Variants in CNDP1 observed in about 807,000 individuals in gnomAD.
CNDP1 encodes the protein carnosine dipeptidase 1.
Under a neutral mutation model 58.1 loss-of-function variants are expected in CNDP1, and 44 were observed. The ratio of observed to expected loss-of-function variants is 0.76; its 90% CI spans 0.60 to 0.97. CNDP1 has a LOEUF of 0.97. Among genes scored for constraint, CNDP1 ranks in the 50% least tolerant of loss-of-function variants. The probability of loss-of-function intolerance (pLI) is 0.00; values close to 1 mark genes in which losing one functional copy is unlikely to be tolerated. For synonymous variants in CNDP1, 254 were observed against 252.6 expected (o/e 1.01, Z -0.05); for missense variants, 616 against 655.1 (o/e 0.94, Z 0.65).
At chr18:74,583,920 G>A (rs1981850427) in intron 11 of CNDP1, 3 of 549,380 alleles carry the variant, frequency 5.5e-6, no homozygotes, top group Non-Finnish European at 9.7e-6. Context: ...GGTATGGGCT[G>A]TCTTCCTGGC....
At position 74,545,498 on chromosome 18, in the gene CNDP1, C is replaced by T. The variant is rs1980735718; in HGVS notation, c.24+10807C>T. ...TAGAAAAGAAACGTGTTATTTGGTG[C>T]TGTCTGCATTTTGGTGTCTCCACCT... On this transcript the variant is annotated intron_variant, in intron 1 of 11. Coordinates refer to ENST00000358821, the MANE Select transcript of CNDP1 (RefSeq NM_032649.6). The surrounding 1 kb of genome is among the most constrained non-coding windows in gnomAD (Gnocchi z 4.1). Among the ~76,000 whole-genome samples, 1 of 152,200 alleles carries T rather than the reference C, an allele frequency of 6.6e-6. No individual in the cohort carries two copies. The highest frequency in any genetic ancestry group is 1.5e-5 in the Non-Finnish European group (1 of 68,048).
chr18:74,564,951 A>G (rs1383529749), intron 5 of CNDP1, among the ~76,000 whole-genome samples: 2 of 152,252 alleles, frequency 1.3e-5, no homozygotes, highest in African/African-American at 4.8e-5. Context: ...CATGCTGCTG[A>G]TAAAGGCATA....
intron 5 of CNDP1, among the ~76,000 whole-genome samples, chr18:74,566,734 G>A (rs1270403625): frequency 6.6e-6 from 1 of 152,180 alleles, no homozygotes; most frequent in Admixed American, 6.5e-5. Flanking sequence ...ACATTTTTGT[G>A]TCTTCTTCTG....
chr18:74,543,963 T>G (rs1568291144), intron 1 of CNDP1, among the ~76,000 whole-genome samples: 1 of 151,912 alleles, frequency 6.6e-6, no homozygotes, highest in African/African-American at 2.4e-5. Flanking sequence ...GCTTGTACCT[T>G]TAGTCCCAGC....
chr18:74,534,837 T>C, intron 1 of CNDP1, 146 bp downstream of exon 1: 1 of 803,004 alleles, frequency 1.2e-6, no homozygotes, highest in Non-Finnish European at 2.1e-6. Flanking sequence ...TTAGGTGCTG[T>C]CTTGGCCGAG....
chr18:74,571,386 T>C (rs1981476512), intron 7 of CNDP1, 116 bp downstream of exon 7: 1 of 692,968 alleles, frequency 1.4e-6, no homozygotes, highest in Admixed American at 2.5e-5. Flanking sequence ...AGGGTGTAGA[T>C]GCTTAGATTT....
Position 74,545,932 on chromosome 18 carries a change from C to A in CNDP1, c.25-10406C>A, listed in dbSNP as rs78161436. ...GATTTACACCTCTCACCCCTCAAAA[C>A]CGAGAGCCATGCCCTGTTTCCCCAT... On this transcript the variant is annotated intron_variant, in intron 1 of 11. Transcript: ENST00000358821. The surrounding 1 kb of genome is among the most constrained non-coding windows in gnomAD (Gnocchi z 4.1). Among the ~76,000 whole-genome samples the A allele has an allele frequency of 8.2e-3, 1,252 of 152,250 alleles. 18 individuals carry two copies. Among genetic ancestry groups the A allele is most frequent in the African/African-American group, 0.028 (1,183 of 41,518 alleles).
chr18:74,571,280 T>G lies in CNDP1; in HGVS notation c.841+10T>G, dbSNP rs901944669. On this transcript the variant is annotated intron_variant, in intron 7 of 11. Coordinates refer to ENST00000358821, the MANE Select transcript of CNDP1 (RefSeq NM_032649.6). Reference sequence around the variant, plus strand: ...CTGGTTGCTCTTCTCGGTAATGCCTTATTTTGTTTCACTTTTTAAGCATCA... The same window carrying G: ...CTGGTTGCTCTTCTCGGTAATGCCTGATTTTGTTTCACTTTTTAAGCATCA... 2 of 1,582,902 alleles carry G rather than the reference T, an allele frequency of 1.3e-6. No individual in the cohort carries two copies. Among genetic ancestry groups the G allele is most frequent in the Non-Finnish European group, 1.7e-6 (2 of 1,151,856 alleles).
chr18:74,580,163 AG>A lies in CNDP1; in HGVS notation c.1202del (p.Arg401LysfsTer11). On this transcript the variant is annotated frameshift_variant, in exon 10 of 12. Transcript: ENST00000358821. LOFTEE classifies it high-confidence loss of function. ...TRHLEDVFSK[R>X]NSSNKMVVSM... is the part of the protein sequence containing the mutation. ...ACATCTTGAAGATGTGTTCTCCAAA[AG>A]AAATAGTTCCAACAAGATGGTTGTT... 3.7e-6 allele frequency: 6 copies of A among 1,613,972 alleles called. No individual in the cohort carries two copies. Among genetic ancestry groups the A allele is most frequent in the Middle Eastern group, 3.3e-4 (2 of 6,062 alleles).
At chr18:74,546,193 G>C (rs1980754800) in intron 1 of CNDP1, among the ~76,000 whole-genome samples, 1 of 152,192 alleles carries the variant, frequency 6.6e-6, no homozygotes. Flanking sequence ...GAAGGTTCCG[G>C]AAGTAGTGCA....
intron 2 of CNDP1, 59 bp from the exon 3 acceptor site, chr18:74,559,264 C>T (rs562363833): frequency 2.1e-4 from 338 of 1,578,068 alleles, no homozygotes; most frequent in Non-Finnish European, 2.6e-4. Context: ...TCCCTTCGCT[C>T]CCCCCGCAGA....
At chr18:74,571,344 C>T (rs1021565266) in intron 7 of CNDP1, 74 bp downstream of exon 7, 5 of 1,042,378 alleles carry the variant, frequency 4.8e-6, no homozygotes, top group Non-Finnish European at 6.0e-6. Context: ...ATTTTATGTG[C>T]CTCTCCTTGC....
chr18:74,572,644 C>T (rs921057380), intron 7 of CNDP1, among the ~76,000 whole-genome samples: 16 of 151,754 alleles, frequency 1.1e-4, no homozygotes, highest in African/African-American at 3.1e-4. Context: ...AAAAGTTAGC[C>T]AGGCATGATG....
rs914622143 is a variant in CNDP1 at position 74,559,352 on chromosome 18, C to T, written c.183C>T (p.Ser61=). The T allele has an allele frequency of 7.4e-6, 12 of 1,613,904 alleles. No individual in the cohort carries two copies. The highest frequency in any genetic ancestry group is 1.3e-5 in the African/African-American group (1 of 74,912). The change falls in exon 3 of 12, where the codon AGC becomes AGT. Residue 61 remains serine (S), a synonymous_variant. Coordinates refer to ENST00000358821, the MANE Select transcript of CNDP1 (RefSeq NM_032649.6). ...TGAAGGAGTGGGTGGCCATCGAGAG[C>T]GACTCTGTCCAGCCTGTGCCTCGCT... is the stretch of plus-strand genomic sequence containing the variant. The part of the protein sequence containing the change: ...QTLKEWVAIE[S]DSVQPVPRFR...
At chr18:74,581,218 CTGTG>C (rs56269857) in intron 10 of CNDP1, among the ~76,000 whole-genome samples, 43,640 of 138,066 alleles carry the variant, frequency 0.32, 7,304 homozygotes, top group South Asian at 0.43. Context: ...CACACCTATC[CTGTG>C]TGTGTGTGTG....
chr18:74,558,441 C>CTGGAGTG (rs1246141137), intron 2 of CNDP1, among the ~76,000 whole-genome samples: 3 of 145,138 alleles, frequency 2.1e-5, no homozygotes, highest in Non-Finnish European at 4.5e-5. Context: ...GTCACCCAGA[C>CTGGAGTG]TGGAGTGCAG....
intron 1 of CNDP1, among the ~76,000 whole-genome samples, chr18:74,548,079 C>G (rs1177541626): frequency 1.3e-5 from 2 of 152,194 alleles, no homozygotes; most frequent in Non-Finnish European, 2.9e-5. Context: ...AACCCCAGCC[C>G]CCGCAAGCGC....
At chr18:74,573,137 CATCCATCTATTATCT>C in intron 7 of CNDP1, among the ~76,000 whole-genome samples, 1 of 151,866 alleles carries the variant, frequency 6.6e-6, no homozygotes. Context: ...ACTATCCATC[CATCCATCTATTATCT>C]ATCCATCTAT....
intron 1 of CNDP1, among the ~76,000 whole-genome samples, chr18:74,552,190 A>G (rs780281245): frequency 6.6e-6 from 1 of 152,234 alleles, no homozygotes; most frequent in Non-Finnish European, 1.5e-5. Flanking sequence ...TAACCACTGT[A>G]TAGCTTCCTC....
Sources: allele counts gnomAD v4.1 joint callset (sites outside exome capture counted in the v4.1 genomes callset), GRCh38; gene constraint gnomAD v4.1.1; non-coding constraint Gnocchi (gnomAD v3.1); transcripts MANE v1.5; gene names NCBI Gene and HGNC (gene_info 2026-07-23, HGNC 2026-07-21).